ADAM17: variants seen among roughly 807,000 people sequenced by gnomAD.
ADAM17 encodes disintegrin and metalloproteinase domain-containing protein 17.
Under a neutral mutation model 96.7 loss-of-function variants are expected in ADAM17, and 39 were observed. That is an observed-to-expected ratio of 0.40 (90% confidence interval 0.31 to 0.53). The LOEUF (loss-of-function observed/expected upper bound fraction) is 0.53, where lower values mean the gene tolerates loss of function less well. ADAM17 is among the 20% of genes least tolerant of loss of function. ADAM17 has a pLI of 0.44. For missense variants in ADAM17, 777 were observed against 1,013.2 expected (o/e 0.77, Z 3.17); for synonymous variants, 344 against 359.2 (o/e 0.96, Z 0.48).
chr2:9,502,315 T>C, intron 12 of ADAM17, 39 bp from the exon 13 acceptor site: 1 of 1,525,252 alleles, frequency 6.6e-7, no homozygotes, highest in Non-Finnish European at 9.1e-7. Flanking sequence ...GCAATTCAAA[T>C]TATGGCCCCA....
intron 1 of ADAM17, among the ~76,000 whole-genome samples, chr2:9,544,465 C>T (rs1460834742): frequency 2.6e-5 from 4 of 152,108 alleles, no homozygotes; most frequent in African/African-American, 9.7e-5. Flanking sequence ...GCAGATGTTG[C>T]AGGGAGCTGA....
intron 6 of ADAM17, among the ~76,000 whole-genome samples, chr2:9,525,883 T>C (rs920577313): frequency 6.6e-6 from 1 of 152,208 alleles, no homozygotes; most frequent in African/African-American, 2.4e-5. Flanking sequence ...CCAAACCCTA[T>C]ATGCATAAAT....
chr2:9,521,149 AT>A, intron 8 of ADAM17, 53 bp downstream of exon 8: 1 of 1,355,730 alleles, frequency 7.4e-7, no homozygotes, highest in Non-Finnish European at 1.1e-6. Flanking sequence ...TACAATCCAC[AT>A]ATCAGAAATG....
At chr2:9,534,723 T>A (rs34137501) in intron 4 of ADAM17, among the ~76,000 whole-genome samples, 1 of 151,982 alleles carries the variant, frequency 6.6e-6, no homozygotes, top group South Asian at 2.1e-4. Flanking sequence ...AAAAAAAAAT[T>A]TGGAAGGATG....
intron 2 of ADAM17, among the ~76,000 whole-genome samples, chr2:9,538,260 C>T (rs1383556737): frequency 6.6e-6 from 1 of 152,136 alleles, no homozygotes; most frequent in African/African-American, 2.4e-5. Context: ...CAAATTTTGT[C>T]AGCTGTTGTA....
chr2:9,549,890 G>C (rs1032299898), intron 1 of ADAM17, among the ~76,000 whole-genome samples: 1 of 152,104 alleles, frequency 6.6e-6, no homozygotes, highest in Non-Finnish European at 1.5e-5. Flanking sequence ...ACTTGAGAGT[G>C]TACTGCAGAA....
chr2:9,533,009 T>C (rs1664810967), intron 4 of ADAM17, among the ~76,000 whole-genome samples: 1 of 151,762 alleles, frequency 6.6e-6, no homozygotes. Flanking sequence ...GCCAACACAG[T>C]GAAACCCCAT....
chr2:9,515,450 C>T (rs796929066), intron 10 of ADAM17, among the ~76,000 whole-genome samples: 6 of 152,168 alleles, frequency 3.9e-5, no homozygotes, highest in African/African-American at 1.4e-4. Flanking sequence ...CATAAACATT[C>T]TTATGGCTGG....
At chr2:9,510,173 GCCAT>G in intron 10 of ADAM17, 42 bp from the exon 11 acceptor site, 1 of 1,608,258 alleles carries the variant, frequency 6.2e-7, no homozygotes, top group Non-Finnish European at 8.5e-7. Flanking sequence ...TCAATATCCA[GCCAT>G]CACCTACTTC....
chr2:9,528,442 A>G (rs988170200), intron 4 of ADAM17, among the ~76,000 whole-genome samples: 2 of 152,224 alleles, frequency 1.3e-5, no homozygotes, highest in Admixed American at 6.5e-5. Flanking sequence ...AAGAACAAAC[A>G]TATTTATATG....
intron 11 of ADAM17, 92 bp downstream of exon 11, chr2:9,509,887 C>T (rs1663636774): frequency 6.6e-7 from 1 of 1,505,298 alleles, no homozygotes; most frequent in Non-Finnish European, 9.0e-7. Flanking sequence ...TAGGGAAACG[C>T]CTAGGAATGG....
At chr2:9,529,347 A>T (rs992199700) in intron 4 of ADAM17, among the ~76,000 whole-genome samples, 5 of 152,158 alleles carry the variant, frequency 3.3e-5, no homozygotes, top group Non-Finnish European at 7.4e-5. Context: ...GCTACCTGGG[A>T]GGCTGAGGCA....
chr2:9,505,937 C>G (rs1047583383), intron 11 of ADAM17, among the ~76,000 whole-genome samples: 10 of 152,072 alleles, frequency 6.6e-5, no homozygotes, highest in Admixed American at 4.6e-4. Context: ...CAATTGTTAC[C>G]TAAACATTTT....
intron 2 of ADAM17, among the ~76,000 whole-genome samples, chr2:9,542,499 A>T (rs1434649523): frequency 6.6e-6 from 1 of 152,206 alleles, no homozygotes; most frequent in Non-Finnish European, 1.5e-5. Context: ...TCCTGAACAA[A>T]ATCTTTATCT....
Position 9,502,163 on chromosome 2 carries a change from G to C in ADAM17, c.1648+10C>G. The stretch of plus-strand genomic sequence containing the variant: ...CCACAGCATTCCAAGGAAGCAACAA[G>C]AACACGAACCTGTGCAGTAGGACAC... On this transcript the variant is annotated intron_variant, in intron 13 of 18. Coordinates refer to ENST00000310823, the MANE Select transcript of ADAM17 (RefSeq NM_003183.6). 1 of 1,610,682 alleles carries C rather than the reference G, an allele frequency of 6.2e-7. No individual in the cohort carries two copies. The highest frequency in any genetic ancestry group is 8.5e-7 in the Non-Finnish European group (1 of 1,177,268).
rs115626527 is a variant in ADAM17, at chr2:9,534,587, G to A, written c.450+1247C>T. Among the ~76,000 whole-genome samples, 899 of 152,112 alleles carry A rather than the reference G, an allele frequency of 5.9e-3. 8 individuals carry two copies. The highest frequency in any genetic ancestry group is 0.021 in the African/African-American group (852 of 41,484). ...CCCTAATTTAGATCTATATTAACACGAAAAGGTTCATAATCATATTGTTAA... is the reference window on the plus strand; with the variant it reads ...CCCTAATTTAGATCTATATTAACACAAAAAGGTTCATAATCATATTGTTAA... On this transcript the variant is annotated intron_variant, in intron 4 of 18. Transcript: ENST00000310823.
chr2:9,491,932 G>A (rs1662183207), intron 17 of ADAM17, among the ~76,000 whole-genome samples: 1 of 152,212 alleles, frequency 6.6e-6, no homozygotes, highest in Non-Finnish European at 1.5e-5. Flanking sequence ...CAATCGTGAT[G>A]GATGGCACTG....
intron 10 of ADAM17, among the ~76,000 whole-genome samples, chr2:9,514,521 ATATATATATATATATATATATAT>A (rs1663935688): frequency 6.2e-4 from 2 of 3,220 alleles, no homozygotes; most frequent in African/African-American, 3.6e-3. Flanking sequence ...AAATATAAAT[ATATATATATATATATATATATAT>A]ATATATATAT....
In ADAM17 at chr2:9,489,749, ACTATT is replaced by A; in HGVS notation, c.*423_*427del. 7.5e-6 allele frequency: 1 copy of A among 132,822 alleles called. No individual in the cohort carries two copies. Among genetic ancestry groups the A allele is most frequent in the Admixed American group, 7.6e-5 (1 of 13,190 alleles). 8.2% of individuals were successfully genotyped at this position (132,822 alleles called of 1,614,324 possible). On this transcript the variant is annotated 3_prime_UTR_variant, in exon 19 of 19. Coordinates refer to ENST00000310823, the MANE Select transcript of ADAM17 (RefSeq NM_003183.6). ...GCAAAAAAAAAAAAAAAAAAAAAAAACTATTCCAGTTGTCATCACAAATAAATGCC... is the reference window on the plus strand; with the variant it reads ...GCAAAAAAAAAAAAAAAAAAAAAAAACCAGTTGTCATCACAAATAAATGCC...
Sources: allele counts gnomAD v4.1 joint callset (sites outside exome capture counted in the v4.1 genomes callset), GRCh38; gene constraint gnomAD v4.1.1; transcripts MANE v1.5; gene names NCBI Gene and HGNC (gene_info 2026-07-23, HGNC 2026-07-21).